The following PDE3B variants were observed in gnomAD, a reference collection of about 807,000 sequenced individuals.
PDE3B encodes cGMP-inhibited 3',5'-cyclic phosphodiesterase 3B.
PDE3B carries 66 observed loss-of-function variants against 116.8 expected under a neutral mutation model. The observed-to-expected ratio is 0.56, with a 90% CI of 0.46 to 0.69. PDE3B has a LOEUF of 0.69. PDE3B is among the 30% of genes least tolerant of loss of function. The pLI is 0.00. For synonymous variants in PDE3B, 595 were observed against 533.6 expected, an observed-to-expected ratio of 1.12 and a Z score of -1.59; for missense variants, 1,384 against 1,368.1, an observed-to-expected ratio of 1.01 and a Z score of -0.18.
chr11:14,882,098 A>T, the PDE3B span, among the ~76,000 whole-genome samples: 1 of 152,032 alleles, frequency 6.6e-6, no homozygotes, highest in East Asian at 1.9e-4. Flanking sequence ...TCTTTTTTCT[A>T]TACTCCCAGA....
chr11:14,673,841 C>T (rs556458705), intron 1 of PDE3B: 1 of 1,208,402 alleles, frequency 8.3e-7, no homozygotes. Flanking sequence ...ACTGTGGTCT[C>T]TCAAATTTGT....
chr11:14,806,825 C>G (rs1355944192), intron 5 of PDE3B, among the ~76,000 whole-genome samples: 3 of 141,916 alleles, frequency 2.1e-5, no homozygotes, highest in Non-Finnish European at 3.0e-5. Flanking sequence ...CACCACTGCA[C>G]TCCAGCCTGG....
intron 12 of PDE3B, among the ~76,000 whole-genome samples, chr11:14,857,182 A>G (rs1025631775): frequency 3.9e-5 from 6 of 152,242 alleles, no homozygotes; most frequent in African/African-American, 1.4e-4. Context: ...AGAAGGATCT[A>G]TAGCTAGAAA....
rs80317284 is a variant in PDE3B, at chr11:14,820,970, T to A, written c.1807+1761T>A. Among the ~76,000 whole-genome samples, 234 of 152,346 alleles carry A rather than the reference T, an allele frequency of 1.5e-3. 9 individuals carry two copies. In the East Asian group the frequency reaches 0.042, roughly 27 times the overall value. On this transcript the variant is annotated intron_variant, in intron 7 of 15. Coordinates refer to ENST00000282096, the MANE Select transcript of PDE3B (RefSeq NM_000922.4). ...TTAATGGTATGTAATTTATACTCAATAAAGTTTTTAAAAAGAACAATAATT... is the reference window on the plus strand; with the variant it reads ...TTAATGGTATGTAATTTATACTCAAAAAAGTTTTTAAAAAGAACAATAATT...
chr11:14,787,718 G>T (rs929764551), intron 3 of PDE3B, among the ~76,000 whole-genome samples: 15 of 151,762 alleles, frequency 9.9e-5, no homozygotes, highest in African/African-American at 3.6e-4. Flanking sequence ...TTAGTTACAT[G>T]ACTTCCTTTT....
intron 4 of PDE3B, among the ~76,000 whole-genome samples, chr11:14,789,495 G>A (rs940511174): frequency 2.6e-5 from 4 of 151,974 alleles, no homozygotes; most frequent in Middle Eastern, 3.2e-3. Flanking sequence ...ATAGTTTAGG[G>A]AAATCAGGAT....
chr11:14,687,073 G>A (rs558528882), intron 1 of PDE3B, among the ~76,000 whole-genome samples: 209 of 152,118 alleles, frequency 1.4e-3, no homozygotes, highest in Non-Finnish European at 2.2e-3. Context: ...ATATTTATTC[G>A]TTTTGGTAAT....
the PDE3B span, chr11:14,877,843 C>G: frequency 2.6e-6 from 1 of 383,342 alleles, no homozygotes; most frequent in East Asian, 4.9e-5. Flanking sequence ...AGATGCTCAG[C>G]TTAGGGCGTC....
At chr11:14,788,821 C>T (rs779339197) in intron 3 of PDE3B, 66 of 208,268 alleles carry the variant, frequency 3.2e-4, no homozygotes, top group East Asian at 1.9e-3. Flanking sequence ...TTTAAATTGC[C>T]GATTGTTTCT....
At chr11:14,663,922 G>T (rs918096552) in intron 1 of PDE3B, among the ~76,000 whole-genome samples, 1 of 152,144 alleles carries the variant, frequency 6.6e-6, no homozygotes, top group Non-Finnish European at 1.5e-5. Context: ...GGACCTAATA[G>T]ACATCTACAG....
intron 1 of PDE3B, among the ~76,000 whole-genome samples, chr11:14,698,250 TAAATG>T (rs1295474348): frequency 6.6e-6 from 1 of 151,988 alleles, no homozygotes; most frequent in African/African-American, 2.4e-5. Flanking sequence ...AAAAAAACGA[TAAATG>T]AATGTTAAAT....
the PDE3B span, among the ~76,000 whole-genome samples, chr11:14,898,475 T>C: frequency 1.1e-4 from 16 of 152,276 alleles, no homozygotes; most frequent in South Asian, 2.9e-3. Flanking sequence ...CTGGAAGTCA[T>C]AGCGTGACCT....
chr11:14,818,506 T>G (rs1328453559), intron 6 of PDE3B, 113 bp downstream of exon 6: 1 of 656,396 alleles, frequency 1.5e-6, no homozygotes, highest in South Asian at 2.0e-5. Context: ...TGACCATAGT[T>G]TTTTTCGGTG....
In PDE3B at chr11:14,644,040, G is replaced by A; in HGVS notation, c.-36G>A. On this transcript the variant is annotated 5_prime_UTR_variant, in exon 1 of 16. It adds an upstream start codon to the 5' untranslated region. Transcript: ENST00000282096. The stretch of plus-strand genomic sequence containing the variant: ...GAGCGGCCGCTACGGTACGAGCGGG[G>A]TGTGCTGAGTCCCGTGGCCACCCCC... 4 of 1,440,564 alleles carry A rather than the reference G, an allele frequency of 2.8e-6. No individual in the cohort carries two copies. The highest frequency in any genetic ancestry group is 3.6e-6 in the Non-Finnish European group (4 of 1,108,040). The allele number at this position is 1,440,564 out of a possible 1,614,324, so 89.2% of individuals were successfully genotyped here.
At chr11:14,880,573 G>T in the PDE3B span, 1 of 1,613,194 alleles carries the variant, frequency 6.2e-7, no homozygotes, top group African/African-American at 1.3e-5. Context: ...GGTTATGTTT[G>T]AAACAGCATT....
intron 7 of PDE3B, among the ~76,000 whole-genome samples, chr11:14,822,321 A>G (rs577096888): frequency 4.6e-5 from 7 of 152,358 alleles, no homozygotes; most frequent in African/African-American, 1.4e-4. Flanking sequence ...AAAATGGCCA[A>G]CTAGAAGCAG....
chr11:14,806,816 A>G (rs1590161201), intron 5 of PDE3B, among the ~76,000 whole-genome samples: 1 of 141,346 alleles, frequency 7.1e-6, no homozygotes, highest in Admixed American at 7.5e-5. Flanking sequence ...CCGAGATCCC[A>G]CCACTGCACT....
At chr11:14,679,553 T>C (rs1854634219) in intron 1 of PDE3B, among the ~76,000 whole-genome samples, 1 of 151,990 alleles carries the variant, frequency 6.6e-6, no homozygotes, top group Non-Finnish European at 1.5e-5. Context: ...TCCTTTCTGC[T>C]CCACGCAGTG....
intron 1 of PDE3B, among the ~76,000 whole-genome samples, chr11:14,739,474 G>T (rs576229135): frequency 7.0e-4 from 107 of 152,312 alleles, no homozygotes; most frequent in African/African-American, 2.5e-3. Context: ...ACTTGCAGAA[G>T]TTGCTTATCA....
Sources: allele counts gnomAD v4.1 joint callset (sites outside exome capture counted in the v4.1 genomes callset), GRCh38; gene constraint gnomAD v4.1.1; transcripts MANE v1.5; gene names NCBI Gene and HGNC (gene_info 2026-07-23, HGNC 2026-07-21).